The following NR3C2 variants were observed in gnomAD, a reference collection of about 807,000 sequenced individuals.
NR3C2 encodes the protein mineralocorticoid receptor.
A neutral mutation model predicts 86.4 loss-of-function variants in NR3C2; 15 were observed. The observed-to-expected ratio is 0.17, with a 90% confidence interval of 0.12 to 0.27. The LOEUF is 0.27. NR3C2 is among the 10% of genes least tolerant of loss of function. The pLI, the probability that NR3C2 is intolerant of heterozygous loss-of-function variation, is 1.00. For missense variants in NR3C2, 960 were observed against 1,195.6 expected, an observed-to-expected ratio of 0.80 and a Z score of 2.91; for synonymous variants, 458 against 450.5, an observed-to-expected ratio of 1.02 and a Z score of -0.21.
intron 2 of NR3C2, among the ~76,000 whole-genome samples, chr4:148,392,379 T>G (rs903005159): frequency 4.6e-5 from 7 of 152,246 alleles, no homozygotes; most frequent in African/African-American, 1.4e-4. Context: ...GAATTCACTA[T>G]AGGAAACCAA....
intron 2 of NR3C2, among the ~76,000 whole-genome samples, chr4:148,397,645 T>A (rs1747927920): frequency 6.6e-6 from 1 of 152,160 alleles, no homozygotes; most frequent in African/African-American, 2.4e-5. Flanking sequence ...CTTTTCCTAA[T>A]CCCCTAAGCA....
chr4:148,244,340 T>A (rs1739215300), intron 3 of NR3C2, among the ~76,000 whole-genome samples: 1 of 152,210 alleles, frequency 6.6e-6, no homozygotes, highest in Admixed American at 6.5e-5. Context: ...GTAAATAAAC[T>A]TCAATTTAAA....
At chr4:148,145,056 T>A (rs370663906) in intron 6 of NR3C2, among the ~76,000 whole-genome samples, 1 of 152,278 alleles carries the variant, frequency 6.6e-6, no homozygotes, top group African/African-American at 2.4e-5. Flanking sequence ...TCTAAAATAA[T>A]AACTGGTGTC....
intron 2 of NR3C2, among the ~76,000 whole-genome samples, chr4:148,291,795 T>C (rs1741807132): frequency 6.6e-6 from 1 of 152,134 alleles, no homozygotes; most frequent in Non-Finnish European, 1.5e-5. Context: ...AAATTCATCA[T>C]AAATTGAAAA....
intron 2 of NR3C2, among the ~76,000 whole-genome samples, chr4:148,387,216 C>T (rs1359012582): frequency 6.6e-6 from 1 of 152,268 alleles, no homozygotes; most frequent in Non-Finnish European, 1.5e-5. Context: ...CTGACTTCTA[C>T]CTTCAAGGAT....
intron 2 of NR3C2, among the ~76,000 whole-genome samples, chr4:148,318,620 C>T (rs1273092769): frequency 2.6e-5 from 4 of 152,224 alleles, no homozygotes; most frequent in Non-Finnish European, 2.9e-5. Context: ...ATTTCTCTAA[C>T]GGCCAGTGAT....
intron 2 of NR3C2, among the ~76,000 whole-genome samples, chr4:148,383,863 G>A (rs559445695): frequency 6.6e-6 from 1 of 151,156 alleles, no homozygotes; most frequent in African/African-American, 2.4e-5. Context: ...CAGGAGAATT[G>A]CTTGAATCAG....
intron 2 of NR3C2, among the ~76,000 whole-genome samples, chr4:148,423,671 G>A (rs1366787662): frequency 3.3e-5 from 5 of 152,108 alleles, no homozygotes; most frequent in Non-Finnish European, 5.9e-5. Flanking sequence ...CCCACATTAA[G>A]GACAGAGTGG....
At chr4:148,282,092 T>C (rs1741275350) in intron 2 of NR3C2, among the ~76,000 whole-genome samples, 1 of 152,138 alleles carries the variant, frequency 6.6e-6, no homozygotes, top group Admixed American at 6.5e-5. Context: ...TGCAATGGTG[T>C]GATCTCGGAT....
At chr4:148,380,841 A>G (rs1260285969) in intron 2 of NR3C2, among the ~76,000 whole-genome samples, 5 of 152,226 alleles carry the variant, frequency 3.3e-5, no homozygotes, top group African/African-American at 7.2e-5. Context: ...ACAGACTTAT[A>G]CACAGTTAAT....
At chr4:148,397,187 G>A (rs974562794) in intron 2 of NR3C2, among the ~76,000 whole-genome samples, 1 of 152,218 alleles carries the variant, frequency 6.6e-6, no homozygotes, top group Non-Finnish European at 1.5e-5. Flanking sequence ...ATTTCCCCGT[G>A]ACCTGCTGTT....
chr4:148,170,670 T>G (rs780779161), intron 4 of NR3C2, among the ~76,000 whole-genome samples: 2 of 152,220 alleles, frequency 1.3e-5, no homozygotes, highest in Non-Finnish European at 2.9e-5. Flanking sequence ...GATGGGTGAA[T>G]TCTATAAAAA....
chr4:148,238,965 G>A (rs1483018322), intron 3 of NR3C2, among the ~76,000 whole-genome samples: 1 of 152,114 alleles, frequency 6.6e-6, no homozygotes, highest in Non-Finnish European at 1.5e-5. Context: ...CAAACACAGG[G>A]AACTCTGAGT....
rs538751520 is a variant in NR3C2, at chr4:148,113,937, G to A, written c.2799+167C>T. On this transcript the variant is annotated intron_variant, in intron 8 of 8. Transcript: ENST00000358102. ...CAATAAACCCTATGTCTCATTCCCT[G>A]GCTCTGGGTCTCTTCTTCAGCCCCT... Among the ~76,000 whole-genome samples the A allele has an allele frequency of 1.2e-4, 19 of 152,260 alleles. No homozygotes were observed. The South Asian group carries it at 3.9e-3, about 32-fold the overall frequency.
At chr4:148,235,851 C>T (rs915336011) in intron 3 of NR3C2, among the ~76,000 whole-genome samples, 1 of 152,144 alleles carries the variant, frequency 6.6e-6, no homozygotes, top group South Asian at 2.1e-4. Context: ...CAAAATAATT[C>T]TAAAACAAAA....
At chr4:148,251,646 A>C (rs1739585377) in intron 3 of NR3C2, among the ~76,000 whole-genome samples, 1 of 152,226 alleles carries the variant, frequency 6.6e-6, no homozygotes, top group African/African-American at 2.4e-5. Context: ...GAAATGAAAC[A>C]CAGGAAGATA....
At chr4:148,244,868 A>G (rs1194898288) in intron 3 of NR3C2, among the ~76,000 whole-genome samples, 1 of 152,194 alleles carries the variant, frequency 6.6e-6, no homozygotes, top group Non-Finnish European at 1.5e-5. Flanking sequence ...CATGCAGTGA[A>G]TCTCTTCTAC....
intron 5 of NR3C2, among the ~76,000 whole-genome samples, chr4:148,153,901 C>T (rs1447085254): frequency 6.6e-6 from 1 of 152,134 alleles, no homozygotes; most frequent in Non-Finnish European, 1.5e-5. Flanking sequence ...TAATAATGTG[C>T]TCAACTTGTG....
chr4:148,427,305 T>C (rs1749591743), intron 2 of NR3C2, among the ~76,000 whole-genome samples: 1 of 152,148 alleles, frequency 6.6e-6, no homozygotes, highest in Non-Finnish European at 1.5e-5. Context: ...CATGATGTTT[T>C]TGCCGATTTT....
Sources: gnomAD v4.1 joint callset for allele counts (sites outside exome capture counted in the v4.1 genomes callset) on GRCh38, gnomAD v4.1.1 for gene constraint, MANE v1.5 for transcripts, NCBI Gene and HGNC (gene_info 2026-07-23, HGNC 2026-07-21) for gene names.